GATA4: variants seen among roughly 807,000 people sequenced by gnomAD.
GATA4 encodes the protein GATA binding protein 4.
A neutral mutation model predicts 37.9 loss-of-function variants in GATA4; 7 were observed. The ratio of observed to expected loss-of-function variants is 0.18; its 90% CI spans 0.11 to 0.35. The LOEUF (loss-of-function observed/expected upper bound fraction) is 0.35. Among genes scored for constraint, GATA4 ranks in the 10% least tolerant of loss-of-function variants. The pLI is 1.00. For synonymous variants in GATA4, 372 were observed against 292.6 expected (o/e 1.27, Z -2.77); for missense variants, 647 against 653.0 (o/e 0.99, Z 0.10).
Position 11,749,836 on chromosome 8 carries a change from C to T in GATA4, c.787-275C>T, listed in dbSNP as rs1314037731. Among the ~76,000 whole-genome samples, 1 of 152,208 alleles carries T rather than the reference C, an allele frequency of 6.6e-6. No individual in the cohort carries two copies. The highest frequency in any genetic ancestry group is 2.4e-5 in the African/African-American group (1 of 41,448). On this transcript the variant is annotated intron_variant, in intron 3 of 6. Transcript: ENST00000532059. This position sits in a 1 kb window ranked among gnomAD's most constrained non-coding sequence, Gnocchi z 4.6. ...CAGTGCCCGGCGCTCACTGGTTATTCGCCTGACGGTGAATGATGGTTAGGA... is the reference window on the plus strand; with the variant it reads ...CAGTGCCCGGCGCTCACTGGTTATTTGCCTGACGGTGAATGATGGTTAGGA...
At chr8:11,732,849 A>G (rs978836561) in intron 2 of GATA4, among the ~76,000 whole-genome samples, 6 of 152,216 alleles carry the variant, frequency 3.9e-5, no homozygotes, top group Admixed American at 1.3e-4. Context: ...ATCCCCAACT[A>G]TAGAAAACTG....
At chr8:11,694,605 G>A in intron 1 of GATA4, 1 of 698,108 alleles carries the variant, frequency 1.4e-6, no homozygotes, top group Non-Finnish European at 1.8e-6. Context: ...TTGTTCCTAA[G>A]AGGAAACACA....
intron 5 of GATA4, chr8:11,756,449 G>A (rs28550523): frequency 0.062 from 14,274 of 228,402 alleles, 2,084 homozygotes; most frequent in African/African-American, 0.3. Flanking sequence ...TCAGGCGCAC[G>A]ATTCCCAGTC....
intron 1 of GATA4, chr8:11,694,372 C>G (rs564755804): frequency 2.3e-6 from 1 of 426,296 alleles, no homozygotes; most frequent in Admixed American, 6.4e-5. Context: ...GAACCGTTGC[C>G]TGTTTCACTC....
At position 11,709,346 on chromosome 8, in the gene GATA4, C is replaced by T. The variant is rs1162574562; in HGVS notation, c.616+418C>T. ...CGCCCCTTTCCTCCCCGCCCGCCCTCGGGCCTCCGCAGGGAACTGATTACA... is the reference window on the plus strand; with the variant it reads ...CGCCCCTTTCCTCCCCGCCCGCCCTTGGGCCTCCGCAGGGAACTGATTACA... On this transcript the variant is annotated intron_variant, in intron 2 of 6. Transcript: ENST00000532059. This position sits in a 1 kb window ranked among gnomAD's most constrained non-coding sequence, Gnocchi z 4.3. 6.6e-6 allele frequency among the ~76,000 whole-genome samples: 1 copy of T among 152,222 alleles called. No individual in the cohort carries two copies. Among genetic ancestry groups the T allele is most frequent in the African/African-American group, 2.4e-5 (1 of 41,456 alleles).
At chr8:11,736,553 C>G (rs1801466933) in intron 2 of GATA4, among the ~76,000 whole-genome samples, 1 of 152,226 alleles carries the variant, frequency 6.6e-6, no homozygotes, top group Non-Finnish European at 1.5e-5. Flanking sequence ...ACTCTGCAGC[C>G]CAGGGCGCCC....
rs549847055 is a variant in GATA4, at chr8:11,693,915, GTCTGTGTGCA to G, written c.-729+1257_-729+1266del. On this transcript the variant is annotated intron_variant, in intron 1 of 2. Coordinates refer to the GATA4 transcript ENST00000526974. ...AACTCAGGCCACAGCCTGTGTGTGC[GTCTGTGTGCA>G]TGTGTGTGCATGTGTGTGTGTGTTG... 8.2e-4 allele frequency among the ~76,000 whole-genome samples: 123 copies of G among 149,660 alleles called. 1 individual carries two copies. The highest frequency in any genetic ancestry group is 6.0e-3 in the South Asian group (28 of 4,634).
At position 11,708,742 on chromosome 8, in the gene GATA4, GC is replaced by G; in HGVS notation, c.431del (p.Ala144GlyfsTer63). Reference protein sequence around the residue: ...SGGGAAGAGLAGREQYGRAGF... With the variant: ...SGGGAAGAGLXGREQYGRAGF... ...CGGCGGAGCGGCGGGTGCGGGCCTG[GC>G]GGGCCGCGAGCAGTACGGGCGCGCC... On this transcript the variant is annotated frameshift_variant, in exon 2 of 7. Coordinates refer to ENST00000532059, the MANE Select transcript of GATA4 (RefSeq NM_001308093.3). LOFTEE classifies it high-confidence loss of function. The surrounding 1 kb of genome is among the most constrained non-coding windows in gnomAD (Gnocchi z 6.7). The G allele has an allele frequency of 7.5e-7, 1 of 1,325,030 alleles. No individual in the cohort carries two copies. The highest frequency in any genetic ancestry group is 9.6e-7 in the Non-Finnish European group (1 of 1,044,768). 82.1% of individuals were successfully genotyped at this position (1,325,030 alleles called of 1,614,324 possible). A position where few individuals can be genotyped will look rare whatever the true frequency, so the allele number is the denominator to read the frequency against.
chr8:11,701,244 GAAAAAAA>G (rs56051265), upstream of GATA4, among the ~76,000 whole-genome samples: 19 of 126,398 alleles, frequency 1.5e-4, no homozygotes, highest in African/African-American at 3.9e-4. Context: ...CAGGTTCTTA[GAAAAAAA>G]AAAAAAAAAA....
At chr8:11,724,628 T>A (rs943098181) in intron 2 of GATA4, among the ~76,000 whole-genome samples, 1 of 152,258 alleles carries the variant, frequency 6.6e-6, no homozygotes. Context: ...TGTTTCTAGC[T>A]GTTGGCTGTG....
At chr8:11,738,557 G>A (rs891663889) in intron 2 of GATA4, among the ~76,000 whole-genome samples, 1 of 152,186 alleles carries the variant, frequency 6.6e-6, no homozygotes, top group African/African-American at 2.4e-5. Flanking sequence ...CGTAAGAGTT[G>A]TTTTTCCAGT....
chr8:11,709,032 G>C lies in GATA4; in HGVS notation c.616+104G>C. The C allele has an allele frequency of 1.7e-6, 2 of 1,206,050 alleles. No individual in the cohort carries two copies. Among genetic ancestry groups the C allele is most frequent in the Non-Finnish European group, 2.2e-6 (2 of 905,860 alleles). 74.7% of individuals were successfully genotyped at this position (1,206,050 alleles called of 1,614,324 possible). On this transcript the variant is annotated intron_variant, in intron 2 of 6. Coordinates refer to ENST00000532059, the MANE Select transcript of GATA4 (RefSeq NM_001308093.3). The surrounding 1 kb of genome is among the most constrained non-coding windows in gnomAD (Gnocchi z 4.3). ...TTTCCACCAACGCCTTCGTTGGGCTGGGGATGGTGCTTCACTACCTCGAGT... is the reference window on the plus strand; with the variant it reads ...TTTCCACCAACGCCTTCGTTGGGCTCGGGATGGTGCTTCACTACCTCGAGT...
chr8:11,721,972 C>A (rs1259670729), intron 2 of GATA4, among the ~76,000 whole-genome samples: 1 of 152,132 alleles, frequency 6.6e-6, no homozygotes, highest in Non-Finnish European at 1.5e-5. Flanking sequence ...TGATCCATCA[C>A]CCTTCCTTTA....
chr8:11,704,794 C>T (rs1241301663), intron 1 of GATA4, among the ~76,000 whole-genome samples: 1 of 152,218 alleles, frequency 6.6e-6, no homozygotes, highest in Admixed American at 6.5e-5. Context: ...TCAGGGGCCC[C>T]CGGGAGCCGC....
chr8:11,710,560 C>G (rs1280587334), intron 2 of GATA4, among the ~76,000 whole-genome samples: 1 of 150,512 alleles, frequency 6.6e-6, no homozygotes, highest in African/African-American at 2.4e-5. Flanking sequence ...CGTGGTGGCG[C>G]GCGCCTGTAG....
Position 11,758,902 on chromosome 8 carries a change from G to A in GATA4, c.*427G>A, listed in dbSNP as rs1241818040. Reference sequence around the variant, plus strand: ...ATCTGTTTGCCATGTACCTGGATGCGACGGGCCCCTGGGGACAGGCCCTTG... The same window carrying A: ...ATCTGTTTGCCATGTACCTGGATGCAACGGGCCCCTGGGGACAGGCCCTTG... On this transcript the variant is annotated 3_prime_UTR_variant, in exon 7 of 7. Coordinates refer to ENST00000532059, the MANE Select transcript of GATA4 (RefSeq NM_001308093.3). The A allele has an allele frequency of 1.3e-5, 4 of 307,942 alleles. No homozygotes were observed. Among genetic ancestry groups the A allele is most frequent in the African/African-American group, 4.3e-5 (2 of 46,200 alleles). 19.1% of individuals were successfully genotyped at this position (307,942 alleles called of 1,614,324 possible).
At chr8:11,750,770 TAAAAAAAAAA>T (rs1195090785) in intron 4 of GATA4, among the ~76,000 whole-genome samples, 6 of 88,792 alleles carry the variant, frequency 6.8e-5, no homozygotes, top group Admixed American at 1.3e-4. Flanking sequence ...TTGTCTCTAC[TAAAAAAAAAA>T]AAAAAAAAAA....
intron 2 of GATA4, among the ~76,000 whole-genome samples, chr8:11,741,477 GA>G (rs1276632063): frequency 6.8e-6 from 1 of 147,218 alleles, no homozygotes; most frequent in African/African-American, 2.5e-5. Context: ...AGACCCCATT[GA>G]AAAAAACAAA....
intron 4 of GATA4, among the ~76,000 whole-genome samples, chr8:11,752,986 A>G (rs1299380716): frequency 6.6e-6 from 1 of 152,242 alleles, no homozygotes; most frequent in Non-Finnish European, 1.5e-5. Context: ...TTATATAGGT[A>G]TTAAAAAGAT....
Sources: gnomAD v4.1 joint callset for allele counts (sites outside exome capture counted in the v4.1 genomes callset) on GRCh38, gnomAD v4.1.1 for gene constraint, Gnocchi (gnomAD v3.1) non-coding constraint, MANE v1.5 for transcripts, NCBI Gene and HGNC (gene_info 2026-07-23, HGNC 2026-07-21) for gene names.